Variants in BICRA observed in about 807,000 individuals in gnomAD.
The protein encoded by BICRA is BRD4 interacting chromatin remodeling complex associated protein, also known as BRD4-interacting chromatin-remodeling complex-associated protein.
In BICRA, 31 loss-of-function variants were observed where a neutral mutation model predicts 96.9. That is an observed-to-expected ratio of 0.32 (90% CI 0.24 to 0.43). The LOEUF (loss-of-function observed/expected upper bound fraction) is 0.43, where lower values mean the gene tolerates loss of function less well. BICRA is among the 20% of genes least tolerant of loss of function. BICRA has a pLI of 1.00. For missense variants in BICRA, 2,283 were observed against 2,190.3 expected (o/e 1.04, Z -0.84); for synonymous variants, 1,350 against 1,071.8 (o/e 1.26, Z -5.07).
At position 47,696,471 on chromosome 19, in the gene BICRA, C is replaced by A. The variant is rs764802096; in HGVS notation, c.3207C>A (p.Gly1069=). 1 of 1,603,520 alleles carries A rather than the reference C, an allele frequency of 6.2e-7. No homozygotes were observed. Among genetic ancestry groups the A allele is most frequent in the South Asian group, 1.1e-5 (1 of 88,836 alleles). Residue 1069 remains glycine (G), a synonymous_variant, in exon 11 of 15, where the codon GGC becomes GGA. Transcript: ENST00000594866. The part of the protein sequence containing the change: ...SGLQYESKLS[G]LKKPPTLQPS... ...CCCAGTATGAGAGCAAACTGAGTGG[C>A]CTGAAGAAGCCCCCCACGCTTCAGC...
At chr19:47,638,594 G>C (rs1972335187) in intron 1 of BICRA, among the ~76,000 whole-genome samples, 2 of 136,316 alleles carry the variant, frequency 1.5e-5, no homozygotes, top group South Asian at 2.5e-4. Flanking sequence ...CGCTCTCTCT[G>C]TTTCTCTCTC....
upstream of BICRA, among the ~76,000 whole-genome samples, chr19:47,608,647 C>T (rs963531740): frequency 6.6e-6 from 1 of 151,884 alleles, no homozygotes; most frequent in Admixed American, 6.5e-5. Context: ...CTCGAGCAGG[C>T]GCGCCCCTGA....
At position 47,702,655 on chromosome 19, in the gene BICRA, A is replaced by G. The variant is rs989268221; in HGVS notation, c.*240A>G. 9.6e-6 allele frequency: 5 copies of G among 521,206 alleles called. No individual in the cohort carries two copies. The highest frequency in any genetic ancestry group is 1.7e-5 in the Non-Finnish European group (5 of 301,970). The allele number at this position is 521,206 out of a possible 1,614,324, so 32.3% of individuals were successfully genotyped here. On this transcript the variant is annotated 3_prime_UTR_variant, in exon 15 of 15. Coordinates refer to ENST00000594866, the MANE Select transcript of BICRA (RefSeq NM_001394372.1). ...ACGTCTCCCCTGCCAAAGGAGGGGC[A>G]AAGTGCTGTGTCAGTTCCTGTTTCT... is the stretch of plus-strand genomic sequence containing the variant.
chr19:47,625,822 GAC>G (rs1462506770), intron 1 of BICRA, among the ~76,000 whole-genome samples: 2 of 152,050 alleles, frequency 1.3e-5, no homozygotes, highest in East Asian at 3.9e-4. Flanking sequence ...TGGGCTGAGA[GAC>G]ACAGGAGGAG....
chr19:47,632,822 A>G (rs1293248635), intron 1 of BICRA, among the ~76,000 whole-genome samples: 1 of 152,080 alleles, frequency 6.6e-6, no homozygotes, highest in Non-Finnish European at 1.5e-5. Flanking sequence ...AGTTTTGGAC[A>G]GTGTTTAAGG....
rs1341661654 is a variant in BICRA, at chr19:47,694,126, G to A, written c.2295G>A (p.Ala765=). ...CCTCCCCTGCCCAGATCCCGGCAGC[G>A]GCTCCGCTGAAGGGCCCAGGCCCCT... ...SPAPAPQIPA[A]APLKGPGPSS... Residue 765 remains alanine (A), a synonymous_variant, in exon 8 of 15, where the codon GCG becomes GCA. Coordinates refer to ENST00000594866, the MANE Select transcript of BICRA (RefSeq NM_001394372.1). 13 of 1,216,246 alleles carry A rather than the reference G, an allele frequency of 1.1e-5. No individual in the cohort carries two copies. The East Asian group carries it at 4.4e-4, about 42-fold the overall frequency. 75.3% of individuals were successfully genotyped at this position (1,216,246 alleles called of 1,614,324 possible). A position where few individuals can be genotyped will look rare whatever the true frequency, so the allele number is the denominator to read the frequency against.
chr19:47,686,676 G>A (rs755084806), intron 7 of BICRA, among the ~76,000 whole-genome samples: 2 of 152,188 alleles, frequency 1.3e-5, no homozygotes, highest in African/African-American at 4.8e-5. Context: ...GAGCCACTGC[G>A]CCCAGCCTCT....
chr19:47,694,013 G>T, intron 7 of BICRA, 102 bp from the exon 8 acceptor site: 1 of 1,369,790 alleles, frequency 7.3e-7, no homozygotes, highest in Non-Finnish European at 9.6e-7. Context: ...TAGGAAGGGG[G>T]CTTCTGGCGG....
At chr19:47,682,539 T>C (rs1037209293) in intron 7 of BICRA, among the ~76,000 whole-genome samples, 15 of 152,208 alleles carry the variant, frequency 9.9e-5, no homozygotes, top group Non-Finnish European at 1.9e-4. Context: ...CTTGCATTTG[T>C]TATCTGGATA....
intron 1 of BICRA, among the ~76,000 whole-genome samples, chr19:47,647,204 T>G (rs995840790): frequency 2.0e-5 from 3 of 149,688 alleles, no homozygotes; most frequent in Non-Finnish European, 3.0e-5. Flanking sequence ...ACATTGGAGG[T>G]TTTTTTTTTC....
At chr19:47,627,659 A>G (rs1041968284) in intron 1 of BICRA, among the ~76,000 whole-genome samples, 1 of 152,228 alleles carries the variant, frequency 6.6e-6, no homozygotes, top group African/African-American at 2.4e-5. Flanking sequence ...GAGCCAGGAA[A>G]AAAGAAAAGG....
chr19:47,695,841 C>T (rs1411164056), intron 10 of BICRA, among the ~76,000 whole-genome samples: 3 of 151,920 alleles, frequency 2.0e-5, no homozygotes, highest in Admixed American at 6.6e-5. Context: ...ATGAGACAGA[C>T]CGGAGACGGA....
intron 7 of BICRA, among the ~76,000 whole-genome samples, chr19:47,688,855 C>T (rs1973198213): frequency 6.6e-6 from 1 of 152,040 alleles, no homozygotes; most frequent in South Asian, 2.1e-4. Context: ...CAGAGTCTCT[C>T]TCTCTCTCTC....
chr19:47,666,141 T>TA (rs756159175), intron 1 of BICRA, among the ~76,000 whole-genome samples: 3 of 152,156 alleles, frequency 2.0e-5, no homozygotes, highest in Non-Finnish European at 4.4e-5. Context: ...AGGGGATAAG[T>TA]AACTTGTCTT....
At chr19:47,685,647 T>G (rs1005070988) in intron 7 of BICRA, among the ~76,000 whole-genome samples, 1 of 151,868 alleles carries the variant, frequency 6.6e-6, no homozygotes, top group Non-Finnish European at 1.5e-5. Context: ...TTCTTACTGT[T>G]TGTAAGAATA....
chr19:47,680,566 C>T lies in BICRA; in HGVS notation c.1396C>T (p.Leu466=), dbSNP rs1209897935. 1 of 1,598,244 alleles carries T rather than the reference C, an allele frequency of 6.3e-7. No homozygotes were observed. The highest frequency in any genetic ancestry group is 8.5e-7 in the Non-Finnish European group (1 of 1,173,486). The change falls in exon 6 of 15, where the codon CTG becomes TTG. Residue 466 remains leucine, a synonymous_variant. Transcript: ENST00000594866. ...CATCGTCATCCCCGCCCAGCACATG[C>T]TGCCGGGCCAGAACCAGTTCCTACT... is the stretch of plus-strand genomic sequence containing the variant. The part of the protein sequence containing the change: ...SSIVIPAQHM[L]PGQNQFLLPG...
In BICRA at chr19:47,680,004, C is replaced by T. The variant is rs776648617; in HGVS notation, c.834C>T (p.Ala278=). The T allele has an allele frequency of 1.9e-5, 28 of 1,492,610 alleles. No homozygotes were observed. Among genetic ancestry groups the T allele is most frequent in the Middle Eastern group, 1.8e-4 (1 of 5,572 alleles). The allele number at this position is 1,492,610 out of a possible 1,614,324, so 92.5% of individuals were successfully genotyped here. The change falls in exon 6 of 15, where the codon GCC becomes GCT. Residue 278 remains alanine (A), a synonymous_variant. Coordinates refer to ENST00000594866, the MANE Select transcript of BICRA (RefSeq NM_001394372.1). ...GPSEPVTLAS[A]GVSPQGAGLV... ...CGGAGCCCGTGACGCTGGCGTCGGC[C>T]GGTGTCTCGCCACAGGGGGCTGGCC... is the stretch of plus-strand genomic sequence containing the variant.
At chr19:47,643,505 C>T (rs1393030942) in intron 1 of BICRA, among the ~76,000 whole-genome samples, 2 of 152,142 alleles carry the variant, frequency 1.3e-5, no homozygotes, top group African/African-American at 4.8e-5. Flanking sequence ...TCCCTTCTCA[C>T]GGCGGGGCTG....
intron 1 of BICRA, among the ~76,000 whole-genome samples, chr19:47,661,324 T>C (rs542969343): frequency 1.4e-4 from 21 of 150,858 alleles, no homozygotes; most frequent in African/African-American, 4.9e-4. Flanking sequence ...TGGGACAGAA[T>C]CTGACCCATC....
Sources: allele counts gnomAD v4.1 joint callset (sites outside exome capture counted in the v4.1 genomes callset), GRCh38; gene constraint gnomAD v4.1.1; transcripts MANE v1.5; gene names NCBI Gene and HGNC (gene_info 2026-07-23, HGNC 2026-07-21).